Variants in ALK observed in about 807,000 individuals in gnomAD.
ALK encodes ALK receptor tyrosine kinase.
A neutral mutation model predicts 163.1 loss-of-function variants in ALK; 74 were observed. The ratio of observed to expected loss-of-function variants is 0.45; its 90% CI spans 0.38 to 0.55. The LOEUF (loss-of-function observed/expected upper bound fraction) is 0.55, where lower values mean the gene tolerates loss of function less well. ALK is among the 20% of genes least tolerant of loss of function. The probability of loss-of-function intolerance (pLI) is 0.00; values close to 1 mark genes in which losing one functional copy is unlikely to be tolerated. For missense variants in ALK, 2,063 were observed against 2,105.3 expected (o/e 0.98, Z 0.39); for synonymous variants, 960 against 843.2 (o/e 1.14, Z -2.40).
chr2:29,211,413 T>G (rs566877756), intron 24 of ALK, among the ~76,000 whole-genome samples: 2 of 152,346 alleles, frequency 1.3e-5, no homozygotes, highest in East Asian at 3.9e-4. Context: ...ATGGAATGGT[T>G]GTTTTAAAAA....
chr2:29,355,868 G>T (rs371376215), intron 5 of ALK, among the ~76,000 whole-genome samples: 9 of 152,228 alleles, frequency 5.9e-5, no homozygotes, highest in African/African-American at 2.2e-4. Context: ...AGCTGACAAG[G>T]ACACCTAAGA....
intron 3 of ALK, among the ~76,000 whole-genome samples, chr2:29,654,867 A>G (rs1401536431): frequency 6.6e-6 from 1 of 152,130 alleles, no homozygotes; most frequent in Non-Finnish European, 1.5e-5. Context: ...GAATCAATCC[A>G]TTTAAAAAAT....
At chr2:29,806,036 C>T (rs574035686) in intron 1 of ALK, among the ~76,000 whole-genome samples, 6 of 152,272 alleles carry the variant, frequency 3.9e-5, no homozygotes, top group Non-Finnish European at 5.9e-5. Context: ...TGTGTCTATA[C>T]GTCCCCAGGC....
At chr2:29,203,895 T>A (rs773889099) in intron 26 of ALK, among the ~76,000 whole-genome samples, 4 of 152,164 alleles carry the variant, frequency 2.6e-5, no homozygotes, top group Non-Finnish European at 5.9e-5. Flanking sequence ...GTCTTTATTC[T>A]CTTCATTTCC....
At chr2:29,422,287 C>T (rs1229923357) in intron 4 of ALK, among the ~76,000 whole-genome samples, 1 of 147,336 alleles carries the variant, frequency 6.8e-6, no homozygotes, top group Non-Finnish European at 1.5e-5. Context: ...TTTCTTGGGT[C>T]TCCTGACTTT....
chr2:29,452,147 T>C (rs908713318), intron 4 of ALK, among the ~76,000 whole-genome samples: 2 of 152,136 alleles, frequency 1.3e-5, no homozygotes, highest in Non-Finnish European at 1.5e-5. Context: ...AGACGTCACT[T>C]GATTTGGTTC....
chr2:29,877,223 T>C (rs976520362), intron 1 of ALK, among the ~76,000 whole-genome samples: 1 of 152,190 alleles, frequency 6.6e-6, no homozygotes, highest in Admixed American at 6.5e-5. Flanking sequence ...CAAAATACAC[T>C]CACACCTCAG....
intron 4 of ALK, among the ~76,000 whole-genome samples, chr2:29,395,050 C>T (rs918193603): frequency 3.3e-5 from 5 of 152,132 alleles, no homozygotes; most frequent in Admixed American, 1.3e-4. Flanking sequence ...TCAGAGCTCC[C>T]GGGATTTCCC....
intron 1 of ALK, among the ~76,000 whole-genome samples, chr2:29,739,269 A>AAG (rs1491079054): frequency 6.4e-5 from 8 of 125,420 alleles, no homozygotes; most frequent in African/African-American, 2.2e-4. Flanking sequence ...AAAAAAAAAA[A>AAG]GAACATAGGC....
At chr2:29,643,069 A>G (rs1412980238) in intron 3 of ALK, among the ~76,000 whole-genome samples, 1 of 152,186 alleles carries the variant, frequency 6.6e-6, no homozygotes, top group African/African-American at 2.4e-5. Context: ...AAAGAGACAG[A>G]GATAAAATGG....
At chr2:29,622,598 T>C (rs571365456) in intron 3 of ALK, among the ~76,000 whole-genome samples, 23 of 152,250 alleles carry the variant, frequency 1.5e-4, no homozygotes, top group African/African-American at 5.5e-4. Flanking sequence ...TTAAGCAGCT[T>C]TGAAAAATCA....
chr2:29,841,119 C>T (rs971007076), intron 1 of ALK, among the ~76,000 whole-genome samples: 1 of 152,120 alleles, frequency 6.6e-6, no homozygotes. Flanking sequence ...TGGTTTCTAT[C>T]AGTTATAGTA....
intron 11 of ALK, among the ~76,000 whole-genome samples, chr2:29,274,005 T>C (rs1180848258): frequency 6.6e-6 from 1 of 152,118 alleles, no homozygotes; most frequent in East Asian, 1.9e-4. Context: ...AGGTCTTTCA[T>C]GGTTCTAGTT....
chr2:29,397,042 C>T (rs531087948), intron 4 of ALK, among the ~76,000 whole-genome samples: 25 of 152,024 alleles, frequency 1.6e-4, no homozygotes, highest in African/African-American at 5.3e-4. Flanking sequence ...TGGCTTCCTT[C>T]GGTCCTAGTA....
intron 11 of ALK, among the ~76,000 whole-genome samples, chr2:29,270,928 G>A (rs1490881432): frequency 2.6e-5 from 4 of 152,202 alleles, no homozygotes; most frequent in South Asian, 2.1e-4. Context: ...TGGCTAAAGA[G>A]AGGAACTTGG....
intron 5 of ALK, among the ~76,000 whole-genome samples, chr2:29,366,337 G>T (rs1419571993): frequency 1.3e-5 from 2 of 152,152 alleles, no homozygotes; most frequent in African/African-American, 4.8e-5. Context: ...GGTTGAGGGA[G>T]CTTGGGAACC....
At chr2:29,560,641 G>A (rs1260957255) in intron 3 of ALK, among the ~76,000 whole-genome samples, 3 of 150,518 alleles carry the variant, frequency 2.0e-5, no homozygotes, top group Non-Finnish European at 2.9e-5. Flanking sequence ...GCATAATTTC[G>A]GCTCACTGCA....
At chr2:29,673,834 T>G (rs1302031795) in intron 3 of ALK, among the ~76,000 whole-genome samples, 1 of 151,470 alleles carries the variant, frequency 6.6e-6, no homozygotes, top group Non-Finnish European at 1.5e-5. Flanking sequence ...TCCATTTGTT[T>G]GTATCCTCTT....
intron 3 of ALK, among the ~76,000 whole-genome samples, chr2:29,633,195 A>G (rs982169509): frequency 1.3e-5 from 2 of 152,100 alleles, no homozygotes; most frequent in Non-Finnish European, 2.9e-5. Context: ...GAATGACCTG[A>G]TTTCTCATTC....
Sources: allele counts gnomAD v4.1 joint callset (sites outside exome capture counted in the v4.1 genomes callset), GRCh38; gene constraint gnomAD v4.1.1; transcripts MANE v1.5; gene names NCBI Gene and HGNC (gene_info 2026-07-23, HGNC 2026-07-21).